Variants in ERCC4 observed in about 807,000 individuals in gnomAD.
ERCC4 encodes DNA repair endonuclease XPF.
In ERCC4, 65 loss-of-function variants were observed where a neutral mutation model predicts 76.9. The observed-to-expected ratio is 0.84, with a 90% CI of 0.69 to 1.04. The LOEUF (loss-of-function observed/expected upper bound fraction) is 1.04. ERCC4 is among the 50% of genes least tolerant of loss of function. The probability of loss-of-function intolerance (pLI) is 0.00; values close to 1 mark genes in which losing one functional copy is unlikely to be tolerated. For missense variants in ERCC4, 1,214 were observed against 1,128.2 expected, an observed-to-expected ratio of 1.08 and a Z score of -1.09; for synonymous variants, 463 against 410.1, an observed-to-expected ratio of 1.13 and a Z score of -1.56.
At chr16:13,920,630 G>C (rs2031954720) in intron 1 of ERCC4, among the ~76,000 whole-genome samples, 2 of 152,082 alleles carry the variant, frequency 1.3e-5, no homozygotes, top group Non-Finnish European at 2.9e-5. Flanking sequence ...ATAAGAATTG[G>C]AGGGGCCCCG....
intron 9 of ERCC4, chr16:13,944,217 C>G (rs1266692832): frequency 6.4e-6 from 1 of 155,456 alleles, no homozygotes; most frequent in Non-Finnish European, 1.4e-5. Flanking sequence ...TCCTTTAAAA[C>G]TCAGGGTGTT....
Position 13,926,583 on chromosome 16 carries a change from C to T in ERCC4, c.411C>T (p.His137=), listed in dbSNP as rs2141944665. ...CAGGCATCTTGGTGTATAGAGCCCA[C>T]AGAATAATCGAGTCTTGTCAAGAAG... ...LITGILVYRA[H]RIIESCQEAF... The change falls in exon 3 of 11, where the codon CAC becomes CAT. Residue 137 remains histidine, a synonymous_variant. Coordinates refer to ENST00000311895, the MANE Select transcript of ERCC4 (RefSeq NM_005236.3). The T allele has an allele frequency of 6.2e-7, 1 of 1,614,110 alleles. No homozygotes were observed. Among genetic ancestry groups the T allele is most frequent in the South Asian group, 1.1e-5 (1 of 91,084 alleles).
intron 6 of ERCC4, chr16:13,932,661 C>A: frequency 3.6e-6 from 1 of 279,136 alleles, no homozygotes; most frequent in Non-Finnish European, 6.7e-6. Context: ...CCTATAATCC[C>A]AGCCCTTTGG....
At position 13,935,659 on chromosome 16, in the gene ERCC4, G is replaced by C. The variant is rs1800068; in HGVS notation, c.1727G>C (p.Arg576Thr). The change falls in exon 8 of 11, where the codon AGA becomes ACA. Residue 576 changes from arginine to threonine, a missense_variant. Arg to Thr is a moderately conservative substitution (Grantham distance 71). Coordinates refer to ENST00000311895, the MANE Select transcript of ERCC4 (RefSeq NM_005236.3). ...AGGGTACTACATGAAGTGGAGCCAA[G>C]ATACGTGGTTCTTTATGACGCAGAG... Reference protein sequence around the residue: ...LTRVLHEVEPRYVVLYDAELT... With the variant: ...LTRVLHEVEPTYVVLYDAELT... 2,068 of 1,614,124 alleles carry C rather than the reference G, an allele frequency of 1.3e-3. 1 individual carries two copies. The highest frequency in any genetic ancestry group is 1.6e-3 in the Non-Finnish European group (1,870 of 1,180,010).
rs759268826 is a variant in ERCC4, at chr16:13,930,791, C to T, written c.874C>T (p.Arg292Ter). The T allele has an allele frequency of 1.6e-5, 25 of 1,611,604 alleles. No homozygotes were observed. The highest frequency in any genetic ancestry group is 2.0e-5 in the Non-Finnish European group (23 of 1,177,894). Reference sequence around the variant, plus strand: ...CTTAGTTCAGGATTTGAAGATATTACGAACTTTGCTGCAGTATCTCTCTCA... The same window carrying T: ...CTTAGTTCAGGATTTGAAGATATTATGAACTTTGCTGCAGTATCTCTCTCA... ...KSLVQDLKIL[R>*]TLLQYLSQYD... The change falls in exon 5 of 11, where the codon CGA becomes TGA. Residue 292 changes from arginine to a stop codon, truncating the protein, a stop_gained. Transcript: ENST00000311895. LOFTEE classifies it high-confidence loss of function.
rs1048888180 is a variant in ERCC4, at chr16:13,951,738, G to T, written c.*3391G>T. Reference sequence around the variant, plus strand: ...AAACCTACACTAAAGCAAATCCGAAGAAGTGGGGCAGGGGGAAAGAGGCAT... The same window carrying T: ...AAACCTACACTAAAGCAAATCCGAATAAGTGGGGCAGGGGGAAAGAGGCAT... On this transcript the variant is annotated 3_prime_UTR_variant, in exon 11 of 11. Coordinates refer to ENST00000311895, the MANE Select transcript of ERCC4 (RefSeq NM_005236.3). The T allele has an allele frequency of 1.4e-5, 3 of 221,692 alleles. No individual in the cohort carries two copies. Among genetic ancestry groups the T allele is most frequent in the African/African-American group, 6.7e-5 (3 of 44,680 alleles). 13.7% of individuals were successfully genotyped at this position (221,692 alleles called of 1,614,324 possible). A position where few individuals can be genotyped will look rare whatever the true frequency, so the allele number is the denominator to read the frequency against.
intron 9 of ERCC4, 34 bp downstream of exon 9, chr16:13,937,892 C>G (rs766294448): frequency 7.4e-7 from 1 of 1,346,228 alleles, no homozygotes; most frequent in Non-Finnish European, 1.1e-6. Context: ...AAAGCCCCAA[C>G]TACATTGGAA....
At chr16:13,920,748 C>T (rs968818317) in intron 1 of ERCC4, among the ~76,000 whole-genome samples, 12 of 151,518 alleles carry the variant, frequency 7.9e-5, no homozygotes, top group South Asian at 2.1e-4. Flanking sequence ...AAGAAGGATG[C>T]AAGTCTTTGA....
chr16:13,922,134 G>A lies in ERCC4; in HGVS notation c.311G>A (p.Gly104Asp). 1 of 1,613,530 alleles carries A rather than the reference G, an allele frequency of 6.2e-7. No individual in the cohort carries two copies. Among genetic ancestry groups the A allele is most frequent in the Non-Finnish European group, 8.5e-7 (1 of 1,179,478 alleles). The stretch of plus-strand genomic sequence containing the variant: ...AGTCGCTATGAAGTTTACACACAAG[G>A]TGGTGTTATATTTGCGACAAGTAGG... ...SNSRYEVYTQGGVIFATSRIL... is the reference protein window; with the variant it reads ...SNSRYEVYTQDGVIFATSRIL... The change falls in exon 2 of 11, where the codon GGT (glycine) becomes GAT (aspartate). Residue 104 changes from glycine (G) to aspartate (D), a missense_variant. Transcript: ENST00000311895.
intron 9 of ERCC4, among the ~76,000 whole-genome samples, chr16:13,938,530 G>A (rs2032350735): frequency 6.6e-6 from 1 of 152,210 alleles, no homozygotes; most frequent in African/African-American, 2.4e-5. Flanking sequence ...ATATTGTCAA[G>A]AAGATTGCAG....
chr16:13,940,267 A>G (rs2032387095), intron 9 of ERCC4, among the ~76,000 whole-genome samples: 1 of 152,062 alleles, frequency 6.6e-6, no homozygotes, highest in South Asian at 2.1e-4. Context: ...CATGCCTGTA[A>G]TCCCAGCTAC....
At chr16:13,929,726 G>A (rs1258310778) in intron 4 of ERCC4, among the ~76,000 whole-genome samples, 1 of 152,200 alleles carries the variant, frequency 6.6e-6, no homozygotes, top group Non-Finnish European at 1.5e-5. Flanking sequence ...AGCACTTTGG[G>A]AGGCCGAGGC....
chr16:13,936,110 C>G (rs1955143974), intron 8 of ERCC4, among the ~76,000 whole-genome samples: 1 of 152,116 alleles, frequency 6.6e-6, no homozygotes. Flanking sequence ...TAATTTTAAT[C>G]TTCTAAAATA....
rs2141620717 is a variant in ERCC4 at position 13,948,008 on chromosome 16, C to A, written c.2412C>A (p.Pro804=). The change falls in exon 11 of 11, where the codon CCC becomes CCA. Residue 804 remains proline, a synonymous_variant. Coordinates refer to ENST00000311895, the MANE Select transcript of ERCC4 (RefSeq NM_005236.3). ...HFPRLRILWC[P]SPHATAELFE... Reference sequence around the variant, plus strand: ...CCAGACTACGGATTCTCTGGTGCCCCTCTCCTCATGCAACGGCGGAGTTGT... The same window carrying A: ...CCAGACTACGGATTCTCTGGTGCCCATCTCCTCATGCAACGGCGGAGTTGT... 2 of 1,614,174 alleles carry A rather than the reference C, an allele frequency of 1.2e-6. No homozygotes were observed. Among genetic ancestry groups the A allele is most frequent in the Non-Finnish European group, 1.7e-6 (2 of 1,180,030 alleles).
chr16:13,933,597 A>G (rs2032225010), intron 6 of ERCC4: 1 of 152,638 alleles, frequency 6.6e-6, no homozygotes, highest in South Asian at 2.1e-4. Flanking sequence ...AATCCCAGCT[A>G]CTTGGGAGGC....
chr16:13,947,772 C>A lies in ERCC4; in HGVS notation c.2176C>A (p.Arg726Ser), dbSNP rs777184889. The A allele has an allele frequency of 1.9e-6, 3 of 1,614,174 alleles. No homozygotes were observed. In the South Asian group the frequency reaches 3.3e-5, roughly 18 times the overall value. ...CCTCACTCCAGAAATGTGCGTGGAG[C>A]GCAAGAGTATCAGTGATTTAATCGG... ...YILTPEMCVE[R>S]KSISDLIGSL... Residue 726 changes from arginine to serine, a missense_variant, in exon 11 of 11, where the codon CGC (arginine) becomes AGC (serine). By Grantham distance (110) the Arg-to-Ser change is moderately radical (BLOSUM62 -1). Transcript: ENST00000311895.
At chr16:13,920,900 G>A (rs1208526495) in intron 1 of ERCC4, among the ~76,000 whole-genome samples, 1 of 152,162 alleles carries the variant, frequency 6.6e-6, no homozygotes, top group Non-Finnish European at 1.5e-5. Context: ...GATGGGAGGG[G>A]TCCCCAGAAG....
rs554914070 is a variant in ERCC4, at chr16:13,951,943, G to A, written c.*3596G>A. On this transcript the variant is annotated 3_prime_UTR_variant, in exon 11 of 11. Coordinates refer to ENST00000311895, the MANE Select transcript of ERCC4 (RefSeq NM_005236.3). ...TATTAAAATTAAGCCAGGCTTTGAC[G>A]TGAATTATCACTTTTCTTTATTATT... 3 of 212,124 alleles carry A rather than the reference G, an allele frequency of 1.4e-5. No homozygotes were observed. The highest frequency in any genetic ancestry group is 1.9e-4 in the South Asian group (1 of 5,368). The allele number at this position is 212,124 out of a possible 1,614,324, so 13.1% of individuals were successfully genotyped here. A position where few individuals can be genotyped will look rare whatever the true frequency, so the allele number is the denominator to read the frequency against.
rs747024254 is a variant in ERCC4, at chr16:13,922,001, A to C, written c.208-30A>C. ...TATTAAAAACTGCCCTGTATTAAAT[A>C]GCCTACTAATCAAGTTTGATTTGAT... On this transcript the variant is annotated intron_variant, in intron 1 of 10. Coordinates refer to ENST00000311895, the MANE Select transcript of ERCC4 (RefSeq NM_005236.3). The C allele has an allele frequency of 7.8e-6, 12 of 1,537,512 alleles. No individual in the cohort carries two copies. In the East Asian group the frequency reaches 2.5e-4, roughly 32 times the overall value.
Sources: gnomAD v4.1 joint callset for allele counts (sites outside exome capture counted in the v4.1 genomes callset) on GRCh38, gnomAD v4.1.1 for gene constraint, MANE v1.5 for transcripts, NCBI Gene and HGNC (gene_info 2026-07-23, HGNC 2026-07-21) for gene names.